The following IMPG1 variants were observed in gnomAD, a reference collection of about 807,000 sequenced individuals.
IMPG1 encodes interphotoreceptor matrix proteoglycan 1.
IMPG1 carries 85 observed loss-of-function variants against 92.0 expected under a neutral mutation model. The observed-to-expected ratio is 0.92, with a 90% confidence interval of 0.78 to 1.11. IMPG1 has a LOEUF of 1.11. Among genes scored for constraint, IMPG1 ranks in the 50% least tolerant of loss-of-function variants. The pLI is 0.00. For missense variants in IMPG1, 1,022 were observed against 956.0 expected, an observed-to-expected ratio of 1.07 and a Z score of -0.91; for synonymous variants, 367 against 334.1, an observed-to-expected ratio of 1.10 and a Z score of -1.08.
At chr6:76,052,869 C>A (rs1358978189) in intron 1 of IMPG1, among the ~76,000 whole-genome samples, 2 of 152,050 alleles carry the variant, frequency 1.3e-5, no homozygotes, top group African/African-American at 4.8e-5. Flanking sequence ...GAATGTGAAA[C>A]TGAGGTAAGA....
intron 7 of IMPG1, 138 bp from the exon 8 acceptor site, chr6:76,011,362 A>G (rs561113848): frequency 2.3e-5 from 12 of 528,008 alleles, no homozygotes; most frequent in African/African-American, 2.2e-4. Flanking sequence ...TTTTAAAAAA[A>G]CTCTCCAAAT....
Position 75,978,803 on chromosome 6 carries a change from T to C in IMPG1, c.1291+24115A>G, listed in dbSNP as rs144797422. On this transcript the variant is annotated intron_variant, in intron 12 of 16. Transcript: ENST00000369950. The stretch of plus-strand genomic sequence containing the variant: ...GTTAAAAATACTGCAACAACTCCAA[T>C]TTATTGAGCACGTTTGGTGTACATT... 9.7e-3 allele frequency among the ~76,000 whole-genome samples: 1,484 copies of C among 152,328 alleles called. 16 individuals carry two copies. Among genetic ancestry groups the C allele is most frequent in the African/African-American group, 0.034 (1,412 of 41,558 alleles).
chr6:76,005,631 C>T (rs1178435037), intron 9 of IMPG1, 97 bp from the exon 10 acceptor site: 4 of 1,243,022 alleles, frequency 3.2e-6, no homozygotes, highest in African/African-American at 1.5e-5. Context: ...GGATAGCTTC[C>T]ACCTCTTTCC....
chr6:75,982,312 G>A (rs1375194900), intron 12 of IMPG1, among the ~76,000 whole-genome samples: 1 of 152,016 alleles, frequency 6.6e-6, no homozygotes, highest in East Asian at 1.9e-4. Context: ...GGAGGCCAAG[G>A]TGGGTGGATC....
At chr6:75,923,951 T>C (rs1781476830) in intron 15 of IMPG1, among the ~76,000 whole-genome samples, 1 of 152,112 alleles carries the variant, frequency 6.6e-6, no homozygotes, top group African/African-American at 2.4e-5. Context: ...TTACAAAACA[T>C]AGATTTATTT....
chr6:75,932,838 C>T (rs1320932505), intron 14 of IMPG1, among the ~76,000 whole-genome samples: 3 of 151,990 alleles, frequency 2.0e-5, no homozygotes, highest in Admixed American at 2.0e-4. Flanking sequence ...GTAGCTGGGC[C>T]TACAGGTGCC....
chr6:75,929,011 A>G (rs9360958), intron 15 of IMPG1, among the ~76,000 whole-genome samples: 75,758 of 152,054 alleles, frequency 0.5, 19,049 homozygotes, highest in South Asian at 0.62. Flanking sequence ...TACTCTAACC[A>G]TTTCCCTATT....
At chr6:75,976,813 G>T (rs934148660) in intron 12 of IMPG1, among the ~76,000 whole-genome samples, 21 of 151,508 alleles carry the variant, frequency 1.4e-4, no homozygotes, top group African/African-American at 5.1e-4. Context: ...TCAGGAGGCT[G>T]AGGCATGAGA....
Position 76,029,474 on chromosome 6 carries a change from T to C in IMPG1, c.498-4216A>G, listed in dbSNP as rs1433431858. 2.0e-5 allele frequency among the ~76,000 whole-genome samples: 3 copies of C among 152,240 alleles called. No individual in the cohort carries two copies. In the East Asian group the frequency reaches 5.8e-4, roughly 29 times the overall value. On this transcript the variant is annotated intron_variant, in intron 4 of 16. Coordinates refer to ENST00000369950, the MANE Select transcript of IMPG1 (RefSeq NM_001563.4). ...AAATGAGGACTGGAGAGAGGGAAAT[T>C]ATGTTTCAAAACTTATCATACATTT...
At chr6:75,929,163 T>C (rs1453825035) in intron 15 of IMPG1, among the ~76,000 whole-genome samples, 1 of 149,312 alleles carries the variant, frequency 6.7e-6, no homozygotes, top group Non-Finnish European at 1.5e-5. Context: ...TAAAATTTTA[T>C]AGATAATGAC....
intron 12 of IMPG1, among the ~76,000 whole-genome samples, chr6:75,988,229 GTCCC>G (rs1289800873): frequency 2.0e-5 from 3 of 152,148 alleles, no homozygotes; most frequent in Non-Finnish European, 4.4e-5. Flanking sequence ...CTAGTTTATA[GTCCC>G]ACCAACAGTG....
intron 12 of IMPG1, among the ~76,000 whole-genome samples, chr6:75,976,253 T>C (rs1259073878): frequency 2.6e-5 from 4 of 152,232 alleles, no homozygotes; most frequent in African/African-American, 7.2e-5. Flanking sequence ...GTTGAGGTAT[T>C]TGGAGACCGT....
intron 4 of IMPG1, among the ~76,000 whole-genome samples, chr6:76,027,901 A>T (rs1783579090): frequency 6.6e-6 from 1 of 152,204 alleles, no homozygotes; most frequent in African/African-American, 2.4e-5. Flanking sequence ...GGCTTCTCAA[A>T]ATCAAACTTC....
At chr6:76,000,472 T>C (rs1782968320) in intron 12 of IMPG1, among the ~76,000 whole-genome samples, 1 of 152,212 alleles carries the variant, frequency 6.6e-6, no homozygotes, top group African/African-American at 2.4e-5. Context: ...TATGGATCCA[T>C]GTCTGTAAAT....
At chr6:75,980,313 G>C (rs1158245822) in intron 12 of IMPG1, among the ~76,000 whole-genome samples, 4 of 152,204 alleles carry the variant, frequency 2.6e-5, no homozygotes, top group Admixed American at 6.5e-5. Context: ...TATCAGGAAA[G>C]GAAAATGGCG....
chr6:76,065,704 A>G (rs924107571), intron 1 of IMPG1, among the ~76,000 whole-genome samples: 2 of 152,144 alleles, frequency 1.3e-5, no homozygotes, highest in African/African-American at 4.8e-5. Flanking sequence ...AAATTTAGAC[A>G]TCCAGTTATA....
chr6:76,017,359 C>T (rs1485604822), intron 7 of IMPG1, among the ~76,000 whole-genome samples: 3 of 152,150 alleles, frequency 2.0e-5, no homozygotes, highest in African/African-American at 4.8e-5. Context: ...GAAAGCTCCT[C>T]AGTTTATTAA....
At chr6:76,028,774 G>A (rs143702011) in intron 4 of IMPG1, among the ~76,000 whole-genome samples, 112 of 152,160 alleles carry the variant, frequency 7.4e-4, no homozygotes, top group Non-Finnish European at 1.2e-3. Flanking sequence ...AGCCAAGATC[G>A]TGCCACTGCA....
At chr6:76,029,852 T>C (rs1783624099) in intron 4 of IMPG1, among the ~76,000 whole-genome samples, 1 of 152,128 alleles carries the variant, frequency 6.6e-6, no homozygotes, top group Non-Finnish European at 1.5e-5. Flanking sequence ...CATCCTTTTC[T>C]CTCCCTTGTT....
Sources: allele counts gnomAD v4.1 joint callset (sites outside exome capture counted in the v4.1 genomes callset), GRCh38; gene constraint gnomAD v4.1.1; transcripts MANE v1.5; gene names NCBI Gene and HGNC (gene_info 2026-07-23, HGNC 2026-07-21).